Variants in AK3 observed in about 807,000 individuals in gnomAD.
AK3 encodes adenylate kinase 3.
Under a neutral mutation model 23.7 loss-of-function variants are expected in AK3, and 27 were observed. That is an observed-to-expected ratio of 1.14 (90% CI 0.84 to 1.57). The LOEUF is 1.57. AK3 is among the 40% of genes most tolerant of loss of function. The pLI is 0.00. For missense variants in AK3, 406 were observed against 285.6 expected, an observed-to-expected ratio of 1.42 and a Z score of -3.04; for synonymous variants, 159 against 116.0, an observed-to-expected ratio of 1.37 and a Z score of -2.38.
intron 1 of AK3, among the ~76,000 whole-genome samples, chr9:4,725,998 C>G (rs983286045): frequency 6.6e-6 from 1 of 151,792 alleles, no homozygotes; most frequent in Non-Finnish European, 1.5e-5. Flanking sequence ...TTTGGTTTCT[C>G]GGTGCATATA....
chr9:4,731,555 G>A (rs1038291204), intron 1 of AK3, among the ~76,000 whole-genome samples: 2 of 138,408 alleles, frequency 1.4e-5, no homozygotes, highest in Non-Finnish European at 3.1e-5. Flanking sequence ...AGCCTATAAT[G>A]CTTCAATTGA....
At chr9:4,731,456 T>C (rs1842150502) in intron 1 of AK3, among the ~76,000 whole-genome samples, 1 of 152,176 alleles carries the variant, frequency 6.6e-6, no homozygotes, top group African/African-American at 2.4e-5. Context: ...ATCTTGTTCA[T>C]TTTTATGGCT....
intron 1 of AK3, among the ~76,000 whole-genome samples, chr9:4,726,387 C>G (rs887465160): frequency 1.3e-5 from 2 of 152,210 alleles, no homozygotes; most frequent in Non-Finnish European, 2.9e-5. Context: ...CTCAGACCCG[C>G]TGCTCCTTTT....
At chr9:4,717,696 C>A (rs1255859455) in intron 4 of AK3, among the ~76,000 whole-genome samples, 1 of 152,186 alleles carries the variant, frequency 6.6e-6, no homozygotes, top group Non-Finnish European at 1.5e-5. Context: ...GTACAATATT[C>A]AGTAAATTAT....
intron 4 of AK3, 32 bp from the exon 5 acceptor site, chr9:4,713,128 C>T: frequency 6.2e-7 from 1 of 1,611,196 alleles, no homozygotes. Flanking sequence ...AACAAACACA[C>T]ACAGGTCTGA....
intron 1 of AK3, among the ~76,000 whole-genome samples, chr9:4,736,561 G>C (rs895105387): frequency 6.6e-6 from 1 of 151,100 alleles, no homozygotes; most frequent in African/African-American, 2.4e-5. Flanking sequence ...ATAATGTTTT[G>C]AAGAAATATA....
intron 1 of AK3, among the ~76,000 whole-genome samples, chr9:4,736,617 A>G (rs1842299789): frequency 6.6e-6 from 1 of 151,950 alleles, no homozygotes; most frequent in South Asian, 2.1e-4. Context: ...TACTACATTC[A>G]TCTCCCCCAT....
intron 1 of AK3, among the ~76,000 whole-genome samples, chr9:4,737,347 C>T (rs569647823): frequency 3.9e-5 from 6 of 152,260 alleles, no homozygotes; most frequent in Admixed American, 1.3e-4. Flanking sequence ...GTGGGAAATA[C>T]TGCATAGAGA....
At chr9:4,741,213 G>A (rs1433010900), upstream of AK3, 2 of 1,125,148 alleles carry the variant, frequency 1.8e-6, no homozygotes, top group East Asian at 3.2e-5. Flanking sequence ...GCGGTTCCCC[G>A]GCGTTCCCGG....
chr9:4,728,866 T>TATACAC (rs1395790351), intron 1 of AK3, among the ~76,000 whole-genome samples: 26 of 87,888 alleles, frequency 3.0e-4, no homozygotes, highest in Middle Eastern at 5.0e-3. Flanking sequence ...TATATATATA[T>TATACAC]ACACACACAC....
At chr9:4,714,379 C>T (rs1200595496) in intron 4 of AK3, among the ~76,000 whole-genome samples, 1 of 152,164 alleles carries the variant, frequency 6.6e-6, no homozygotes. Context: ...CCCTTGATAC[C>T]TCATAAAATT....
intron 1 of AK3, among the ~76,000 whole-genome samples, chr9:4,726,830 T>C (rs917945527): frequency 1.3e-5 from 2 of 151,778 alleles, no homozygotes; most frequent in African/African-American, 4.9e-5. Context: ...ATATAGCAGC[T>C]GAACCTTATG....
At chr9:4,716,362 G>A (rs1841725311) in intron 4 of AK3, among the ~76,000 whole-genome samples, 1 of 152,280 alleles carries the variant, frequency 6.6e-6, no homozygotes, top group Admixed American at 6.5e-5. Flanking sequence ...AATAATTGCT[G>A]ACAATGAATG....
chr9:4,715,142 C>G (rs1199885279), intron 4 of AK3, among the ~76,000 whole-genome samples: 1 of 142,162 alleles, frequency 7.0e-6, no homozygotes, highest in Non-Finnish European at 1.5e-5. Flanking sequence ...TCGCTTGAAC[C>G]TGGGATGAGG....
intron 1 of AK3, among the ~76,000 whole-genome samples, chr9:4,725,446 A>T (rs1240088791): frequency 6.6e-6 from 1 of 152,168 alleles, no homozygotes; most frequent in African/African-American, 2.4e-5. Flanking sequence ...CATTAAAATT[A>T]AAAACTTTTT....
intron 1 of AK3, among the ~76,000 whole-genome samples, chr9:4,737,595 T>A (rs1842326436): frequency 6.6e-6 from 1 of 152,166 alleles, no homozygotes; most frequent in Non-Finnish European, 1.5e-5. Flanking sequence ...AAGCCTGTAG[T>A]CCCAGCTACC....
chr9:4,718,394 G>A (rs779262120), intron 4 of AK3, 25 bp downstream of exon 4: 3 of 1,544,212 alleles, frequency 1.9e-6, no homozygotes, highest in Non-Finnish European at 2.7e-6. Flanking sequence ...CTACGCAAGA[G>A]AAGTTCTGAA....
chr9:4,725,846 A>C (rs930480676), intron 1 of AK3, among the ~76,000 whole-genome samples: 19 of 152,206 alleles, frequency 1.2e-4, no homozygotes, highest in Admixed American at 1.2e-3. Context: ...TAGGGAAGTC[A>C]AATGAAAACC....
At chr9:4,741,419 C>G (rs1284532077), upstream of AK3, 2 of 244,336 alleles carry the variant, frequency 8.2e-6, no homozygotes, top group Non-Finnish European at 1.6e-5. Flanking sequence ...CGCGGCCCCT[C>G]TCCACCGGCC....
Sources: gnomAD v4.1 joint callset for allele counts (sites outside exome capture counted in the v4.1 genomes callset) on GRCh38, gnomAD v4.1.1 for gene constraint, MANE v1.5 for transcripts, NCBI Gene and HGNC (gene_info 2026-07-23, HGNC 2026-07-21) for gene names.